The following CDKAL1 variants were observed in gnomAD, a reference collection of about 807,000 sequenced individuals.
The protein encoded by CDKAL1 is threonylcarbamoyladenosine tRNA methylthiotransferase.
In CDKAL1, 32 loss-of-function variants were observed where a neutral mutation model predicts 68.2. The ratio of observed to expected loss-of-function variants is 0.47; its 90% CI spans 0.35 to 0.63. The LOEUF (loss-of-function observed/expected upper bound fraction) is 0.63. Among genes scored for constraint, CDKAL1 ranks in the 30% least tolerant of loss-of-function variants. CDKAL1 has a pLI of 0.00. For missense variants in CDKAL1, 606 were observed against 696.7 expected (o/e 0.87, Z 1.47); for synonymous variants, 234 against 244.3 (o/e 0.96, Z 0.39).
intron 12 of CDKAL1, among the ~76,000 whole-genome samples, chr6:21,080,070 A>G (rs1243763248): frequency 7.0e-6 from 1 of 143,228 alleles, no homozygotes; most frequent in Non-Finnish European, 1.5e-5. Context: ...CCCTGATTGG[A>G]TCATTCTTTT....
At chr6:20,688,988 C>G (rs1377363527) in intron 5 of CDKAL1, among the ~76,000 whole-genome samples, 1 of 152,194 alleles carries the variant, frequency 6.6e-6, no homozygotes, top group Non-Finnish European at 1.5e-5. Context: ...TTAGTCCTCT[C>G]CCCTTCAGGA....
At chr6:20,695,304 C>T (rs1429259446) in intron 5 of CDKAL1, among the ~76,000 whole-genome samples, 1 of 152,134 alleles carries the variant, frequency 6.6e-6, no homozygotes, top group Non-Finnish European at 1.5e-5. Flanking sequence ...GCTTTTGGTC[C>T]ATCAGCCACT....
intron 3 of CDKAL1, 100 bp downstream of exon 3, chr6:20,546,623 G>A (rs1014383385): frequency 4.6e-5 from 40 of 875,370 alleles, no homozygotes; most frequent in African/African-American, 3.1e-4. Context: ...GTGTGATCTC[G>A]GTTCACTGCA....
At chr6:20,668,158 G>T (rs1224853629) in intron 5 of CDKAL1, among the ~76,000 whole-genome samples, 1 of 151,380 alleles carries the variant, frequency 6.6e-6, no homozygotes, top group African/African-American at 2.4e-5. Flanking sequence ...ATATACAAAG[G>T]TTCCTCATTC....
chr6:21,084,801 G>T (rs1772604822), intron 12 of CDKAL1, among the ~76,000 whole-genome samples: 1 of 152,126 alleles, frequency 6.6e-6, no homozygotes, highest in East Asian at 1.9e-4. Flanking sequence ...TGATATCCCT[G>T]GGGCCGTTAC....
chr6:20,670,914 T>C (rs1391844807), intron 5 of CDKAL1, among the ~76,000 whole-genome samples: 1 of 152,244 alleles, frequency 6.6e-6, no homozygotes, highest in Non-Finnish European at 1.5e-5. Flanking sequence ...TAGTGGTTTA[T>C]TCAACTACTT....
chr6:20,858,288 T>G (rs1012756169), intron 9 of CDKAL1, among the ~76,000 whole-genome samples: 3 of 152,156 alleles, frequency 2.0e-5, no homozygotes, highest in African/African-American at 7.2e-5. Flanking sequence ...TAGCCTAGAT[T>G]TTTTCTGGAA....
intron 8 of CDKAL1, among the ~76,000 whole-genome samples, chr6:20,797,671 T>C (rs375619193): frequency 6.6e-6 from 1 of 152,188 alleles, no homozygotes; most frequent in Admixed American, 6.5e-5. Flanking sequence ...GAATGAATGA[T>C]TGACATCCCC....
chr6:20,631,816 G>C (rs1384744415), intron 4 of CDKAL1, among the ~76,000 whole-genome samples: 3 of 152,112 alleles, frequency 2.0e-5, no homozygotes, highest in African/African-American at 7.2e-5. Context: ...TTCAGGCTTG[G>C]GGAAGAAGAC....
chr6:20,980,192 G>GATAGATATAGATATAGAT lies in CDKAL1; in HGVS notation c.910-20007_910-19990dup, dbSNP rs61624482. Among the ~76,000 whole-genome samples, 976 of 149,086 alleles carry GATAGATATAGATATAGAT rather than the reference G, an allele frequency of 6.5e-3. 9 individuals are homozygous for GATAGATATAGATATAGAT. The highest frequency in any genetic ancestry group is 0.016 in the African/African-American group (651 of 40,402). ...TTCTGATTAGAAGCCTCCAAAGATA[G>GATAGATATAGATATAGAT]ATAGATATAGATATAGATATAGATA... On this transcript the variant is annotated intron_variant, in intron 10 of 15. Coordinates refer to ENST00000274695, the MANE Select transcript of CDKAL1 (RefSeq NM_017774.3).
At chr6:20,959,282 A>G (rs1232444388) in intron 10 of CDKAL1, among the ~76,000 whole-genome samples, 4 of 152,196 alleles carry the variant, frequency 2.6e-5, no homozygotes, top group African/African-American at 9.7e-5. Context: ...ATAGCTGACA[A>G]AAGATATCTC....
At chr6:21,078,723 G>A (rs193252337) in intron 12 of CDKAL1, among the ~76,000 whole-genome samples, 14 of 152,242 alleles carry the variant, frequency 9.2e-5, no homozygotes, top group Non-Finnish European at 5.9e-5. Flanking sequence ...GGTGCAGGGT[G>A]AGGAGGAGAG....
At chr6:21,095,284 G>C (rs572141362) in intron 12 of CDKAL1, among the ~76,000 whole-genome samples, 1 of 152,296 alleles carries the variant, frequency 6.6e-6, no homozygotes, top group African/African-American at 2.4e-5. Context: ...TAGCCTGCAG[G>C]AAGGTCTATA....
chr6:20,654,752 T>C (rs1768948326), intron 5 of CDKAL1, among the ~76,000 whole-genome samples: 1 of 152,204 alleles, frequency 6.6e-6, no homozygotes, highest in Non-Finnish European at 1.5e-5. Context: ...CACCCTCTCA[T>C]ATGTTGAGTG....
intron 13 of CDKAL1, among the ~76,000 whole-genome samples, chr6:21,138,708 A>G (rs753922294): frequency 5.3e-5 from 8 of 152,100 alleles, no homozygotes; most frequent in Non-Finnish European, 8.8e-5. Context: ...ATTATTAAAT[A>G]TTTTCATGTT....
chr6:20,927,007 C>G (rs1763220980), intron 9 of CDKAL1, among the ~76,000 whole-genome samples: 1 of 151,190 alleles, frequency 6.6e-6, no homozygotes, highest in African/African-American at 2.4e-5. Context: ...TTAAGCTGCC[C>G]ATATCTAAAT....
At chr6:20,811,175 GCAAA>G (rs1471521901) in intron 8 of CDKAL1, among the ~76,000 whole-genome samples, 1 of 152,172 alleles carries the variant, frequency 6.6e-6, no homozygotes, top group Non-Finnish European at 1.5e-5. Context: ...ACCTTATCAA[GCAAA>G]GACCCAGCCT....
chr6:21,120,585 GT>G (rs1428910872), intron 13 of CDKAL1, among the ~76,000 whole-genome samples: 2 of 152,128 alleles, frequency 1.3e-5, no homozygotes, highest in Non-Finnish European at 2.9e-5. Context: ...ACTGTTGCTG[GT>G]TTTGTATATA....
chr6:21,015,795 T>C (rs1582032996), intron 11 of CDKAL1, among the ~76,000 whole-genome samples: 3 of 151,818 alleles, frequency 2.0e-5, no homozygotes, highest in Admixed American at 2.0e-4. Flanking sequence ...GGCGTGATGG[T>C]GCGCACCTGT....
Sources: allele counts gnomAD v4.1 joint callset (sites outside exome capture counted in the v4.1 genomes callset), GRCh38; gene constraint gnomAD v4.1.1; transcripts MANE v1.5; gene names NCBI Gene and HGNC (gene_info 2026-07-23, HGNC 2026-07-21).